The following CNTN5 variants were observed in gnomAD, a reference collection of about 807,000 sequenced individuals.
The protein encoded by CNTN5 is contactin-5.
In CNTN5, 77 loss-of-function variants were observed where a neutral mutation model predicts 129.1. The ratio of observed to expected loss-of-function variants is 0.60; its 90% CI spans 0.50 to 0.72. The LOEUF (loss-of-function observed/expected upper bound fraction) is 0.72. Ranked by LOEUF, CNTN5 falls within the 30% of genes least tolerant of loss-of-function variation. The probability of loss-of-function intolerance (pLI) is 0.00; values close to 1 mark genes in which losing one functional copy is unlikely to be tolerated. For synonymous variants in CNTN5, 509 were observed against 465.6 expected (o/e 1.09, Z -1.20); for missense variants, 1,478 against 1,328.8 (o/e 1.11, Z -1.75).
At chr11:99,098,634 T>C (rs1866583066) in intron 1 of CNTN5, among the ~76,000 whole-genome samples, 2 of 152,138 alleles carry the variant, frequency 1.3e-5, no homozygotes, top group Admixed American at 6.6e-5. Context: ...TTGTTTAATA[T>C]AAAATATTAA....
chr11:99,634,981 A>C (rs1951499064), intron 3 of CNTN5, among the ~76,000 whole-genome samples: 1 of 152,226 alleles, frequency 6.6e-6, no homozygotes, highest in Admixed American at 6.5e-5. Flanking sequence ...ATAGATAAAT[A>C]GAAGACAAAA....
At chr11:99,440,461 C>T (rs1943781961) in intron 2 of CNTN5, among the ~76,000 whole-genome samples, 1 of 151,798 alleles carries the variant, frequency 6.6e-6, no homozygotes, top group Admixed American at 6.6e-5. Context: ...TACCATTATA[C>T]CTAACACAAA....
chr11:100,150,717 A>G (rs1209705049), intron 13 of CNTN5, among the ~76,000 whole-genome samples: 1 of 152,032 alleles, frequency 6.6e-6, no homozygotes, highest in Non-Finnish European at 1.5e-5. Flanking sequence ...TTAGTTTTCT[A>G]GCTGAACTCG....
chr11:99,222,129 G>T (rs1289993777), intron 1 of CNTN5, among the ~76,000 whole-genome samples: 1 of 151,720 alleles, frequency 6.6e-6, no homozygotes, highest in African/African-American at 2.4e-5. Context: ...CCTATTGCTT[G>T]GTTTTTTATG....
At chr11:99,533,761 A>T (rs1311341732) in intron 2 of CNTN5, among the ~76,000 whole-genome samples, 1 of 152,192 alleles carries the variant, frequency 6.6e-6, no homozygotes. Context: ...CAGCATTCTC[A>T]CTACTCCCTT....
At chr11:99,505,688 C>T (rs754402895) in intron 2 of CNTN5, among the ~76,000 whole-genome samples, 1 of 152,172 alleles carries the variant, frequency 6.6e-6, no homozygotes, top group African/African-American at 2.4e-5. Context: ...ATCTCCTCCC[C>T]CAATCCCTAT....
At chr11:100,008,690 C>T (rs987158341) in intron 9 of CNTN5, among the ~76,000 whole-genome samples, 77 of 152,114 alleles carry the variant, frequency 5.1e-4, no homozygotes, top group African/African-American at 1.9e-3. Flanking sequence ...AATAGCCAAC[C>T]TTTATCTCCA....
At chr11:99,934,697 C>T (rs934704748) in intron 7 of CNTN5, among the ~76,000 whole-genome samples, 21 of 151,794 alleles carry the variant, frequency 1.4e-4, no homozygotes, top group African/African-American at 5.1e-4. Flanking sequence ...CCAGCCTGGC[C>T]AGCATGGTGA....
chr11:99,264,031 C>T (rs193106993), intron 1 of CNTN5, among the ~76,000 whole-genome samples: 1 of 151,796 alleles, frequency 6.6e-6, no homozygotes, highest in Non-Finnish European at 1.5e-5. Context: ...TACATAGACC[C>T]TTGCGATTGA....
intron 1 of CNTN5, among the ~76,000 whole-genome samples, chr11:99,028,597 A>C (rs943933363): frequency 2.6e-5 from 4 of 151,918 alleles, no homozygotes; most frequent in African/African-American, 9.7e-5. Context: ...CTTTGGTTCC[A>C]AGATTCACCT....
rs558874925 is a variant in CNTN5, at chr11:100,351,567, C to T, written c.3199+697C>T. ...CTCCAAAACCACATATCTCCATCACCACCATCATTATTACATAAGCAAGGG... is the reference window on the plus strand; with the variant it reads ...CTCCAAAACCACATATCTCCATCACTACCATCATTATTACATAAGCAAGGG... On this transcript the variant is annotated intron_variant, in intron 24 of 24. Coordinates refer to ENST00000524871, the MANE Select transcript of CNTN5 (RefSeq NM_014361.4). 1.1e-4 allele frequency among the ~76,000 whole-genome samples: 17 copies of T among 149,758 alleles called. No homozygotes were observed. In the South Asian group the frequency reaches 3.0e-3, roughly 26 times the overall value.
chr11:99,913,266 G>T (rs1174377526), intron 6 of CNTN5, among the ~76,000 whole-genome samples: 1 of 151,828 alleles, frequency 6.6e-6, no homozygotes, highest in Non-Finnish European at 1.5e-5. Context: ...CATCAACCAA[G>T]AATTTTTTTA....
intron 13 of CNTN5, among the ~76,000 whole-genome samples, chr11:100,106,204 A>G (rs1304127203): frequency 6.6e-6 from 1 of 152,192 alleles, no homozygotes; most frequent in African/African-American, 2.4e-5. Flanking sequence ...CACACCTGGA[A>G]TGGCAGCTGT....
At chr11:99,563,353 G>T (rs1948901844) in intron 3 of CNTN5, among the ~76,000 whole-genome samples, 1 of 152,130 alleles carries the variant, frequency 6.6e-6, no homozygotes, top group Admixed American at 6.5e-5. Context: ...TGTAAACCTA[G>T]GAAAAGGAGA....
At chr11:99,647,284 T>G (rs1390913515) in intron 3 of CNTN5, among the ~76,000 whole-genome samples, 1 of 152,150 alleles carries the variant, frequency 6.6e-6, no homozygotes, top group East Asian at 1.9e-4. Flanking sequence ...CCGAACTGTT[T>G]TTTAAAGAGA....
chr11:99,747,878 G>T lies in CNTN5; in HGVS notation c.56-71666G>T, dbSNP rs183729505. Among the ~76,000 whole-genome samples the T allele has an allele frequency of 3.3e-5, 5 of 152,192 alleles. No individual in the cohort carries two copies. In the East Asian group the frequency reaches 9.7e-4, roughly 29 times the overall value. On this transcript the variant is annotated intron_variant, in intron 3 of 24. Coordinates refer to ENST00000524871, the MANE Select transcript of CNTN5 (RefSeq NM_014361.4). Reference sequence around the variant, plus strand: ...ATATATGGCTTTATTATGTTAAGGTGCATTTCTTCTCTATATCTAATTGTT... The same window carrying T: ...ATATATGGCTTTATTATGTTAAGGTTCATTTCTTCTCTATATCTAATTGTT...
chr11:99,132,655 TTG>T (rs1479262702), intron 1 of CNTN5, among the ~76,000 whole-genome samples: 2 of 152,016 alleles, frequency 1.3e-5, no homozygotes, highest in Non-Finnish European at 2.9e-5. Context: ...CCATTCATAA[TTG>T]CCACAAAAAG....
chr11:100,326,127 C>G (rs1951782480), intron 21 of CNTN5, among the ~76,000 whole-genome samples: 1 of 152,092 alleles, frequency 6.6e-6, no homozygotes, highest in Non-Finnish European at 1.5e-5. Flanking sequence ...ATAGTATTAA[C>G]TATTTAAACC....
chr11:99,734,650 G>A (rs992304660), intron 3 of CNTN5, among the ~76,000 whole-genome samples: 2 of 151,352 alleles, frequency 1.3e-5, no homozygotes, highest in Non-Finnish European at 2.9e-5. Context: ...AGTCGTTTTT[G>A]ATGATCCCCA....
Sources: allele counts gnomAD v4.1 joint callset (sites outside exome capture counted in the v4.1 genomes callset), GRCh38; gene constraint gnomAD v4.1.1; transcripts MANE v1.5; gene names NCBI Gene and HGNC (gene_info 2026-07-23, HGNC 2026-07-21).